Variants in COBL observed in about 807,000 individuals in gnomAD.
COBL encodes the protein cordon-bleu WH2 repeat protein, also known as protein cordon-bleu.
A neutral mutation model predicts 98.8 loss-of-function variants in COBL; 51 were observed. The observed-to-expected ratio is 0.52, with a 90% CI of 0.41 to 0.65. The LOEUF (loss-of-function observed/expected upper bound fraction) is 0.65. Among genes scored for constraint, COBL ranks in the 30% least tolerant of loss-of-function variants. The pLI, the probability that COBL is intolerant of heterozygous loss-of-function variation, is 0.00. For missense variants in COBL, 1,617 were observed against 1,617.5 expected (o/e 1.00, Z 0.01); for synonymous variants, 634 against 651.7 (o/e 0.97, Z 0.41).
chr7:51,172,610 A>T, intron 5 of COBL: 1 of 1,054,096 alleles, frequency 9.5e-7, no homozygotes, highest in Non-Finnish European at 1.2e-6. Context: ...TCATTAAGGC[A>T]AAAATGCCAG....
At position 51,085,287 on chromosome 7, in the gene COBL, C is replaced by G. The variant is rs1299432911; in HGVS notation, c.975G>C (p.Gln325His). 6.4e-7 allele frequency: 1 copy of G among 1,571,212 alleles called. No individual in the cohort carries two copies. Among genetic ancestry groups the G allele is most frequent in the Non-Finnish European group, 8.6e-7 (1 of 1,159,256 alleles). The change falls in exon 7 of 13, where the codon CAG becomes CAC. Residue 325 changes from glutamine to histidine, a missense_variant. By Grantham distance (24) the Gln-to-His change is conservative. Transcript: ENST00000265136. ...KASEKVSLGS[Q>H]IDLQKKKRRA... The stretch of plus-strand genomic sequence containing the variant: ...GCCGCTTCTTCTTCTGTAAATCAAT[C>G]TGTGACCCAAGAGATACCTATGAAG...
At chr7:51,130,237 C>G (rs1170647164) in intron 6 of COBL, among the ~76,000 whole-genome samples, 1 of 152,154 alleles carries the variant, frequency 6.6e-6, no homozygotes, top group African/African-American at 2.4e-5. Context: ...GAGCCTCAGC[C>G]GACCTGAGTC....
chr7:51,146,822 G>T (rs965272544), intron 5 of COBL, among the ~76,000 whole-genome samples: 1 of 152,158 alleles, frequency 6.6e-6, no homozygotes, highest in Non-Finnish European at 1.5e-5. Flanking sequence ...AGATGAGCAG[G>T]TCAGAGCAGT....
intron 5 of COBL, among the ~76,000 whole-genome samples, chr7:51,163,407 C>T (rs1299868384): frequency 6.6e-6 from 1 of 152,068 alleles, no homozygotes; most frequent in Non-Finnish European, 1.5e-5. Context: ...TCAAATAAGC[C>T]CACACAACTA....
intron 8 of COBL, among the ~76,000 whole-genome samples, chr7:51,042,023 G>A (rs1299364523): frequency 1.3e-5 from 2 of 152,062 alleles, no homozygotes; most frequent in Non-Finnish European, 2.9e-5. Flanking sequence ...CCATAGTGGG[G>A]ACAGGAATCA....
Position 51,315,271 on chromosome 7 carries a change from A to AG in COBL, c.41+1321_41+1322insC, listed in dbSNP as rs1554471870. ...AGTAAGTGCACTGCAAAAAAAAAAA[A>AG]AGAGAGAGAGAAAGAAAACTTCTTT... On this transcript the variant is annotated intron_variant, in intron 1 of 12. Coordinates refer to ENST00000265136, the MANE Select transcript of COBL (RefSeq NM_015198.5). 8.2e-3 allele frequency among the ~76,000 whole-genome samples: 1,238 copies of AG among 151,880 alleles called. 72 individuals carry two copies. The South Asian group carries it at 0.15, about 18-fold the overall frequency.
chr7:51,168,808 TC>T (rs1337849453), intron 5 of COBL, among the ~76,000 whole-genome samples: 11 of 152,220 alleles, frequency 7.2e-5, no homozygotes, highest in Non-Finnish European at 2.9e-5. Flanking sequence ...TGAAGAGATA[TC>T]TGCATTCTCC....
intron 6 of COBL, among the ~76,000 whole-genome samples, chr7:51,111,731 G>A (rs915186677): frequency 2.6e-5 from 4 of 152,226 alleles, no homozygotes; most frequent in Admixed American, 6.5e-5. Context: ...CTTCTTAGAC[G>A]GGGCCTCCTC....
At chr7:51,115,611 C>T (rs1444595226) in intron 6 of COBL, among the ~76,000 whole-genome samples, 1 of 152,030 alleles carries the variant, frequency 6.6e-6, no homozygotes, top group Non-Finnish European at 1.5e-5. Flanking sequence ...TGTAATACTC[C>T]ACATGATATA....
At chr7:51,068,256 TATGTGCAC>T (rs1792155610) in intron 7 of COBL, among the ~76,000 whole-genome samples, 1 of 152,254 alleles carries the variant, frequency 6.6e-6, no homozygotes, top group South Asian at 2.1e-4. Context: ...CCAAAGGTTG[TATGTGCAC>T]TCACATCCCC....
intron 2 of COBL, among the ~76,000 whole-genome samples, chr7:51,217,069 G>T (rs957233360): frequency 2.0e-5 from 3 of 152,204 alleles, no homozygotes; most frequent in African/African-American, 4.8e-5. Context: ...AGGAAACCAT[G>T]AGAAGGGATA....
chr7:51,227,601 T>G (rs1034876643), intron 1 of COBL, among the ~76,000 whole-genome samples: 1 of 152,154 alleles, frequency 6.6e-6, no homozygotes, highest in African/African-American at 2.4e-5. Flanking sequence ...TCCTTAGACT[T>G]GTGCAGAGAC....
intron 1 of COBL, among the ~76,000 whole-genome samples, chr7:51,225,056 G>A (rs1023259741): frequency 3.3e-5 from 5 of 152,182 alleles, no homozygotes; most frequent in Non-Finnish European, 5.9e-5. Flanking sequence ...CACAGGTTTA[G>A]ACCAGGCTTG....
intron 5 of COBL, among the ~76,000 whole-genome samples, chr7:51,182,759 C>T (rs1218981729): frequency 6.6e-6 from 1 of 152,030 alleles, no homozygotes; most frequent in African/African-American, 2.4e-5. Context: ...ACAGATTTTT[C>T]AAAGGACATG....
chr7:51,191,159 G>GT, intron 3 of COBL, 81 bp from the exon 4 acceptor site: 1 of 1,251,004 alleles, frequency 8.0e-7, no homozygotes, highest in Non-Finnish European at 1.1e-6. Context: ...TTGACAATTG[G>GT]GTGTGGCAGG....
At position 51,086,143 on chromosome 7, in the gene COBL, C is replaced by T. The variant is rs115492599; in HGVS notation, c.958-839G>A. Among the ~76,000 whole-genome samples the T allele has an allele frequency of 7.9e-3, 1,197 of 152,172 alleles. 17 individuals carry two copies. Among genetic ancestry groups the T allele is most frequent in the African/African-American group, 0.027 (1,131 of 41,502 alleles). ...GCGAAAGTTTTTATTCGTTCACTCTCATTGATTAAAATTCATTGATTAAAG... is the reference window on the plus strand; with the variant it reads ...GCGAAAGTTTTTATTCGTTCACTCTTATTGATTAAAATTCATTGATTAAAG... On this transcript the variant is annotated intron_variant, in intron 6 of 12. Transcript: ENST00000265136.
chr7:51,235,524 C>G (rs1031758982), intron 1 of COBL, among the ~76,000 whole-genome samples: 4 of 152,116 alleles, frequency 2.6e-5, no homozygotes, highest in Admixed American at 2.6e-4. Flanking sequence ...CTTTTATATC[C>G]AGAACTTTTG....
chr7:51,202,995 C>A (rs1791279280), intron 2 of COBL, among the ~76,000 whole-genome samples: 1 of 151,948 alleles, frequency 6.6e-6, no homozygotes, highest in African/African-American at 2.4e-5. Flanking sequence ...GATCCGCGAT[C>A]GCACCACTGC....
chr7:51,093,982 C>CAT (rs1051619700), intron 6 of COBL, among the ~76,000 whole-genome samples: 18 of 148,782 alleles, frequency 1.2e-4, no homozygotes, highest in South Asian at 4.2e-4. Flanking sequence ...TTTTTATATA[C>CAT]ATATATATAT....
Sources: allele counts gnomAD v4.1 joint callset (sites outside exome capture counted in the v4.1 genomes callset), GRCh38; gene constraint gnomAD v4.1.1; transcripts MANE v1.5; gene names NCBI Gene and HGNC (gene_info 2026-07-23, HGNC 2026-07-21).